The following CDYL variants were observed in gnomAD, a reference collection of about 807,000 sequenced individuals.
CDYL encodes chromodomain Y like.
Under a neutral mutation model 47.3 loss-of-function variants are expected in CDYL, and 8 were observed. That is an observed-to-expected ratio of 0.17 (90% CI 0.10 to 0.31). The LOEUF (loss-of-function observed/expected upper bound fraction) is 0.31. Among genes scored for constraint, CDYL ranks in the 10% least tolerant of loss-of-function variants. The probability of loss-of-function intolerance (pLI) is 1.00; values close to 1 mark genes in which losing one functional copy is unlikely to be tolerated. For synonymous variants in CDYL, 266 were observed against 265.0 expected (o/e 1.00, Z -0.04); for missense variants, 471 against 701.4 (o/e 0.67, Z 3.71).
intron 3 of CDYL, among the ~76,000 whole-genome samples, chr6:4,760,844 C>T (rs2127422849): frequency 6.6e-6 from 1 of 151,742 alleles, no homozygotes; most frequent in Middle Eastern, 3.4e-3. Flanking sequence ...AATCAGTGAG[C>T]CTTCTGGGAT....
chr6:4,754,310 G>A (rs1403146726), intron 3 of CDYL, among the ~76,000 whole-genome samples: 1 of 152,186 alleles, frequency 6.6e-6, no homozygotes, highest in Non-Finnish European at 1.5e-5. Flanking sequence ...AGTCATGAAT[G>A]CAAACCAATC....
chr6:4,771,669 C>T (rs997022030), upstream of CDYL, among the ~76,000 whole-genome samples: 3 of 151,844 alleles, frequency 2.0e-5, no homozygotes, highest in Admixed American at 6.5e-5. Context: ...TTTTCCTTAC[C>T]AGTCAAAATG....
intron 3 of CDYL, among the ~76,000 whole-genome samples, chr6:4,766,709 A>G (rs1208127586): frequency 1.3e-5 from 2 of 152,100 alleles, no homozygotes; most frequent in African/African-American, 4.8e-5. Flanking sequence ...CCTTGATATT[A>G]AAATCTGACA....
chr6:4,924,586 G>T (rs2127511725), intron 2 of CDYL, among the ~76,000 whole-genome samples: 1 of 152,260 alleles, frequency 6.6e-6, no homozygotes, highest in Admixed American at 6.5e-5. Context: ...TCCCCATTGA[G>T]CTCTTGCTGG....
chr6:4,884,901 G>A (rs139696265), intron 1 of CDYL, among the ~76,000 whole-genome samples: 46 of 152,238 alleles, frequency 3.0e-4, no homozygotes, highest in African/African-American at 9.2e-4. Flanking sequence ...GGTAGTCCCC[G>A]TTTACCCTTT....
At chr6:4,729,922 A>C (rs1332358563) in intron 2 of CDYL, among the ~76,000 whole-genome samples, 4 of 152,208 alleles carry the variant, frequency 2.6e-5, no homozygotes, top group Admixed American at 2.6e-4. Flanking sequence ...TGTCTCAAAA[A>C]AAAAGGTAGA....
At position 4,883,428 on chromosome 6, in the gene CDYL, C is replaced by T. The variant is rs117806187; in HGVS notation, c.25-8285C>T. 9.9e-4 allele frequency among the ~76,000 whole-genome samples: 150 copies of T among 152,238 alleles called. No homozygotes were observed. The East Asian group carries it at 0.018, about 19-fold the overall frequency. On this transcript the variant is annotated intron_variant, in intron 1 of 6. Coordinates refer to ENST00000397588, the MANE Select transcript of CDYL (RefSeq NM_004824.4). Reference sequence around the variant, plus strand: ...ATTTGGTGCATTCCTTTGACCCATGCGGAGAATTCTATCAGAAGCAGCAGG... The same window carrying T: ...ATTTGGTGCATTCCTTTGACCCATGTGGAGAATTCTATCAGAAGCAGCAGG...
intron 5 of CDYL, 30 bp downstream of exon 5, chr6:4,943,786 A>AAG: frequency 6.8e-7 from 1 of 1,478,768 alleles, no homozygotes; most frequent in Non-Finnish European, 9.2e-7. Context: ...AAAAAAAAAA[A>AAG]AGTCATTCTA....
chr6:4,855,251 A>G (rs1276818808), intron 1 of CDYL, among the ~76,000 whole-genome samples: 3 of 152,140 alleles, frequency 2.0e-5, no homozygotes, highest in Admixed American at 1.3e-4. Flanking sequence ...CCTTTTCTCT[A>G]TTAATATCCT....
chr6:4,741,206 C>G (rs1390308800), intron 3 of CDYL, among the ~76,000 whole-genome samples: 1 of 152,124 alleles, frequency 6.6e-6, no homozygotes, highest in Non-Finnish European at 1.5e-5. Flanking sequence ...GGAAGCACAA[C>G]ACAGGTATTT....
intron 3 of CDYL, among the ~76,000 whole-genome samples, chr6:4,751,849 A>G (rs1757998753): frequency 6.6e-6 from 1 of 152,210 alleles, no homozygotes; most frequent in African/African-American, 2.4e-5. Flanking sequence ...ACTGAACAAA[A>G]GGCTTTATCT....
rs193222402 is a variant in CDYL, at chr6:4,888,597, G to T, written c.25-3116G>T. Among the ~76,000 whole-genome samples the T allele has an allele frequency of 4.1e-3, 629 of 152,092 alleles. 3 individuals carry two copies. The highest frequency in any genetic ancestry group is 0.017 in the Middle Eastern group (5 of 294). ...TTTAAAAGAAACTTTTGGTTGTGTT[G>T]CTTTTAAAATATTGCTTTTCAGTTT... On this transcript the variant is annotated intron_variant, in intron 1 of 6. Coordinates refer to ENST00000397588, the MANE Select transcript of CDYL (RefSeq NM_004824.4).
chr6:4,874,263 C>T (rs1162758863), intron 1 of CDYL, among the ~76,000 whole-genome samples: 3 of 152,018 alleles, frequency 2.0e-5, no homozygotes, highest in Non-Finnish European at 4.4e-5. Context: ...TTTGAAAGAG[C>T]GTTTTGTTAA....
intron 1 of CDYL, among the ~76,000 whole-genome samples, chr6:4,712,864 G>A (rs1178269236): frequency 6.6e-6 from 1 of 152,232 alleles, no homozygotes; most frequent in African/African-American, 2.4e-5. Context: ...TATGTACCAA[G>A]TATGTGAGCC....
chr6:4,804,690 G>A (rs1759321263), intron 1 of CDYL, among the ~76,000 whole-genome samples: 1 of 152,204 alleles, frequency 6.6e-6, no homozygotes, highest in Non-Finnish European at 1.5e-5. Context: ...AGAGACCGCT[G>A]CTAAAAGGAA....
chr6:4,715,811 G>A lies in CDYL; in HGVS notation c.33G>A (p.Trp11Ter), dbSNP rs778194226. 1 of 1,614,120 alleles carries A rather than the reference G, an allele frequency of 6.2e-7. No homozygotes were observed. The highest frequency in any genetic ancestry group is 8.5e-7 in the Non-Finnish European group (1 of 1,180,014). ...TTCAGGCAAGCCACAGGTCAGCCTG[G>A]GGAAAAAGCAGGAAGAAAAACTGGC... is the stretch of plus-strand genomic sequence containing the variant. The change falls in exon 2 of 9, where the codon TGG becomes TGA. Residue 11 changes from tryptophan to a stop codon, truncating the protein, a stop_gained. Coordinates refer to the CDYL transcript ENST00000328908. LOFTEE classifies it high-confidence loss of function.
chr6:4,724,620 G>GT (rs974221534), intron 2 of CDYL: 1 of 152,394 alleles, frequency 6.6e-6, no homozygotes, highest in Admixed American at 6.6e-5. Flanking sequence ...CTTCTGATGG[G>GT]TTCGTGGTCT....
chr6:4,789,839 G>A (rs1758870698), intron 1 of CDYL, among the ~76,000 whole-genome samples: 1 of 152,184 alleles, frequency 6.6e-6, no homozygotes, highest in African/African-American at 2.4e-5. Context: ...GAACCATTCA[G>A]AGAAGTGTAG....
At chr6:4,734,787 C>T in exon 3 of CDYL, 1 of 1,614,156 alleles carries the variant, frequency 6.2e-7, no homozygotes, top group Non-Finnish European at 8.5e-7. Context: ...GGCCTTCAGA[C>T]CCCAGCATCT....
Sources: allele counts gnomAD v4.1 joint callset (sites outside exome capture counted in the v4.1 genomes callset), GRCh38; gene constraint gnomAD v4.1.1; transcripts MANE v1.5; gene names NCBI Gene and HGNC (gene_info 2026-07-23, HGNC 2026-07-21).